HIVEP2: variants seen among roughly 807,000 people sequenced by gnomAD.
The protein encoded by HIVEP2 is transcription factor HIVEP2.
In HIVEP2, 14 loss-of-function variants were observed where a neutral mutation model predicts 180.7. The observed-to-expected ratio is 0.08, with a 90% CI of 0.05 to 0.12. The LOEUF is 0.12. Ranked by LOEUF, HIVEP2 falls within the 10% of genes least tolerant of loss-of-function variation. HIVEP2 has a pLI of 1.00. For synonymous variants in HIVEP2, 1,184 were observed against 1,136.4 expected, an observed-to-expected ratio of 1.04 and a Z score of -0.84; for missense variants, 2,579 against 3,008.5, an observed-to-expected ratio of 0.86 and a Z score of 3.34.
At chr6:142,809,464 TTGCTCATC>T (rs1776635868) in intron 2 of HIVEP2, among the ~76,000 whole-genome samples, 1 of 152,190 alleles carries the variant, frequency 6.6e-6, no homozygotes, top group African/African-American at 2.4e-5. Flanking sequence ...AGAGTTGGCT[TTGCTCATC>T]TCTGTGACCC....
At chr6:142,811,698 C>T (rs895666035) in intron 2 of HIVEP2, among the ~76,000 whole-genome samples, 3 of 152,224 alleles carry the variant, frequency 2.0e-5, no homozygotes, top group Admixed American at 6.5e-5. Flanking sequence ...TCTCTCCACA[C>T]GGATTTCACA....
chr6:142,793,612 A>C (rs1776193207), intron 2 of HIVEP2, among the ~76,000 whole-genome samples: 3 of 122,532 alleles, frequency 2.4e-5, no homozygotes, highest in African/African-American at 6.1e-5. Context: ...CCCACCTCCC[A>C]TCCTTCCTTC....
chr6:142,803,486 G>A (rs1282958124), intron 2 of HIVEP2, among the ~76,000 whole-genome samples: 2 of 151,856 alleles, frequency 1.3e-5, no homozygotes, highest in Admixed American at 1.3e-4. Flanking sequence ...GGTTAACTGT[G>A]AAGCAACTGC....
chr6:142,820,950 C>G (rs1423471540), intron 2 of HIVEP2, among the ~76,000 whole-genome samples: 1 of 152,020 alleles, frequency 6.6e-6, no homozygotes, highest in Non-Finnish European at 1.5e-5. Context: ...AAGAGAAACA[C>G]TAACAAACAT....
At chr6:142,875,283 C>A (rs1010111089) in intron 1 of HIVEP2, among the ~76,000 whole-genome samples, 5 of 151,928 alleles carry the variant, frequency 3.3e-5, no homozygotes, top group Admixed American at 3.3e-4. Flanking sequence ...ACAAGCTCAG[C>A]AAGTTTAAGG....
chr6:142,917,587 T>A (rs6937152), intron 1 of HIVEP2, among the ~76,000 whole-genome samples: 27,935 of 152,138 alleles, frequency 0.18, 3,281 homozygotes, highest in African/African-American at 0.32. Context: ...TAAATAAGAA[T>A]CTTATAAACA....
chr6:142,920,347 C>T (rs1313879505), intron 1 of HIVEP2, among the ~76,000 whole-genome samples: 3 of 152,174 alleles, frequency 2.0e-5, no homozygotes, highest in Non-Finnish European at 4.4e-5. Flanking sequence ...TGGTCTAGTC[C>T]TCCGTCACAT....
At chr6:142,782,351 T>C (rs565247248) in intron 3 of HIVEP2, among the ~76,000 whole-genome samples, 33 of 152,306 alleles carry the variant, frequency 2.2e-4, no homozygotes, top group Non-Finnish European at 2.9e-4. Flanking sequence ...AGTTGTAACA[T>C]TGATCCCACG....
intron 1 of HIVEP2, among the ~76,000 whole-genome samples, chr6:142,897,416 C>A (rs1411655834): frequency 6.6e-6 from 1 of 152,190 alleles, no homozygotes; most frequent in East Asian, 1.9e-4. Context: ...CCATAATATT[C>A]ATAGAAGCAC....
intron 1 of HIVEP2, among the ~76,000 whole-genome samples, chr6:142,904,767 A>G (rs9390033): frequency 0.071 from 10,775 of 152,250 alleles, 491 homozygotes; most frequent in East Asian, 0.17. Flanking sequence ...TATATTACTC[A>G]GCAAGATCAG....
chr6:142,770,548 C>G lies in HIVEP2; in HGVS notation c.4191G>C (p.Gln1397His). 1 of 1,614,222 alleles carries G rather than the reference C, an allele frequency of 6.2e-7. No homozygotes were observed. Among genetic ancestry groups the G allele is most frequent in the Non-Finnish European group, 8.5e-7 (1 of 1,180,050 alleles). ...TGGGGTACTTCTCCAAGCCCGCATG[C>G]TGCCCCAGCACCTGGGCAATGTTGA... ...IGFNIAQVLG[Q>H]HAGLEKYPIW... Residue 1397 changes from glutamine (Q) to histidine (H), a missense_variant, in exon 5 of 10, where the codon CAG becomes CAC. Coordinates refer to ENST00000367603, the MANE Select transcript of HIVEP2 (RefSeq NM_006734.4). This position sits in a 1 kb window ranked among gnomAD's most constrained non-coding sequence, Gnocchi z 4.7.
chr6:142,770,949 T>C lies in HIVEP2; in HGVS notation c.3790A>G (p.Thr1264Ala). Residue 1264 changes from threonine (T) to alanine (A), a missense_variant, in exon 5 of 10, where the codon ACT becomes GCT. Physicochemically the swap from Thr to Ala is moderately conservative, Grantham distance 58. Transcript: ENST00000367603. This position sits in a 1 kb window ranked among gnomAD's most constrained non-coding sequence, Gnocchi z 4.7. ...GCATACTCAGCAGGTTTCTTTCCAG[T>C]GTGCTCTGCCACATGCTCTAAGGGA... ...SYPLEHVAEH[T>A]GKKPAEYAHT... is the part of the protein sequence containing the mutation. 1 of 1,614,224 alleles carries C rather than the reference T, an allele frequency of 6.2e-7. No individual in the cohort carries two copies. Among genetic ancestry groups the C allele is most frequent in the Non-Finnish European group, 8.5e-7 (1 of 1,180,032 alleles).
At chr6:142,938,768 A>G (rs949280655) in intron 1 of HIVEP2, among the ~76,000 whole-genome samples, 5 of 152,228 alleles carry the variant, frequency 3.3e-5, no homozygotes, top group African/African-American at 1.2e-4. Flanking sequence ...CACAGTGCAA[A>G]TAATAAGAGC....
In HIVEP2 at chr6:142,787,834, T is replaced by C. The variant is rs62430685; in HGVS notation, c.-527-4219A>G. Among the ~76,000 whole-genome samples the C allele has an allele frequency of 9.0e-3, 1,366 of 152,254 alleles. 9 individuals are homozygous for C. The highest frequency in any genetic ancestry group is 0.013 in the Non-Finnish European group (885 of 68,000). On this transcript the variant is annotated intron_variant, in intron 2 of 9. Transcript: ENST00000367603. ...GGACATGACTAGGAAAAGAGAAACA[T>C]AGTAGTTTTGGAACATGGGGCAATT...
At chr6:142,897,396 C>T (rs1268563806) in intron 1 of HIVEP2, among the ~76,000 whole-genome samples, 1 of 152,190 alleles carries the variant, frequency 6.6e-6, no homozygotes, top group Non-Finnish European at 1.5e-5. Flanking sequence ...GCTGCATCTG[C>T]AGAGATGTAC....
chr6:142,913,178 T>C (rs1777458531), intron 1 of HIVEP2, among the ~76,000 whole-genome samples: 1 of 152,202 alleles, frequency 6.6e-6, no homozygotes, highest in South Asian at 2.1e-4. Context: ...GTCAAAAAGT[T>C]GTATCAATTC....
intron 2 of HIVEP2, among the ~76,000 whole-genome samples, chr6:142,817,216 C>T (rs141335720): frequency 1.3e-5 from 2 of 152,292 alleles, no homozygotes; most frequent in Non-Finnish European, 2.9e-5. Flanking sequence ...TAAAAAATTA[C>T]TTGGTAATTA....
chr6:142,934,420 T>TTC (rs377281284), intron 1 of HIVEP2, among the ~76,000 whole-genome samples: 195 of 152,284 alleles, frequency 1.3e-3, no homozygotes, highest in African/African-American at 4.6e-3. Flanking sequence ...CATTCTGGTG[T>TTC]TCTCTAGAGC....
chr6:142,791,053 G>T (rs1776125759), intron 2 of HIVEP2, among the ~76,000 whole-genome samples: 1 of 152,156 alleles, frequency 6.6e-6, no homozygotes, highest in African/African-American at 2.4e-5. Context: ...GCTGCTGAAA[G>T]AATCAATTCT....
Sources: gnomAD v4.1 joint callset for allele counts (sites outside exome capture counted in the v4.1 genomes callset) on GRCh38, gnomAD v4.1.1 for gene constraint, Gnocchi (gnomAD v3.1) non-coding constraint, MANE v1.5 for transcripts, NCBI Gene and HGNC (gene_info 2026-07-23, HGNC 2026-07-21) for gene names.